Variants in RAB36 observed in about 807,000 individuals in gnomAD.
RAB36 encodes ras-related protein Rab-36.
In RAB36, 33 loss-of-function variants were observed where a neutral mutation model predicts 39.3. That is an observed-to-expected ratio of 0.84 (90% CI 0.64 to 1.12). The LOEUF is 1.12. Ranked by LOEUF, RAB36 falls within the 50% of genes most tolerant of loss-of-function variation. The pLI, the probability that RAB36 is intolerant of heterozygous loss-of-function variation, is 0.00. For missense variants in RAB36, 308 were observed against 355.3 expected (o/e 0.87, Z 1.07); for synonymous variants, 133 against 140.2 (o/e 0.95, Z 0.36).
chr22:23,151,270 A>G (rs543338158), intron 3 of RAB36, among the ~76,000 whole-genome samples: 2 of 152,324 alleles, frequency 1.3e-5, no homozygotes, highest in South Asian at 2.1e-4. Context: ...CACACAGATG[A>G]TCTCCCTGAT....
intron 6 of RAB36, among the ~76,000 whole-genome samples, chr22:23,156,520 C>T (rs984145906): frequency 6.6e-6 from 1 of 152,154 alleles, no homozygotes; most frequent in Non-Finnish European, 1.5e-5. Flanking sequence ...CTGGGCAGGG[C>T]TCACCGTCAG....
chr22:23,145,723 C>T (rs2070729505), intron 1 of RAB36, among the ~76,000 whole-genome samples, 172 bp downstream of exon 1: 1 of 152,252 alleles, frequency 6.6e-6, no homozygotes, highest in African/African-American at 2.4e-5. Context: ...AAACTCTGGG[C>T]CAGGCCCGCG....
Position 23,160,886 on chromosome 22 carries a change from C to T in RAB36, c.627C>T (p.Asn209=), listed in dbSNP as rs150673019. The change falls in exon 10 of 11, where the codon AAC becomes AAT. Residue 209 remains asparagine, a synonymous_variant. Coordinates refer to ENST00000263116, the MANE Select transcript of RAB36 (RefSeq NM_004914.5). ...TGTCTTGTGGGCCCACAGGCGAGAA[C>T]GTGAAGGCATTCTTCAGCCGCGTAG... ...YWSVSAKTGE[N]VKAFFSRVAA... 60 of 1,613,338 alleles carry T rather than the reference C, an allele frequency of 3.7e-5. No homozygotes were observed. The highest frequency in any genetic ancestry group is 8.0e-5 in the African/African-American group (6 of 74,934).
At chr22:23,150,300 TTTTC>T in intron 3 of RAB36, 146 bp downstream of exon 3, 1 of 640,172 alleles carries the variant, frequency 1.6e-6, no homozygotes. Context: ...TTTCTTTTTT[TTTTC>T]TTTTTTTTTT....
At chr22:23,151,046 C>G (rs2071090130) in intron 3 of RAB36, among the ~76,000 whole-genome samples, 1 of 152,236 alleles carries the variant, frequency 6.6e-6, no homozygotes, top group Non-Finnish European at 1.5e-5. Context: ...GCTTTTGCCC[C>G]TCTTCCTAAG....
chr22:23,148,584 T>C (rs1301747512), intron 2 of RAB36, among the ~76,000 whole-genome samples: 5 of 152,144 alleles, frequency 3.3e-5, no homozygotes, highest in Non-Finnish European at 7.3e-5. Context: ...CCCATAATAG[T>C]CAGGGATCAA....
At chr22:23,151,560 G>A (rs2071124900) in intron 3 of RAB36, among the ~76,000 whole-genome samples, 1 of 152,090 alleles carries the variant, frequency 6.6e-6, no homozygotes, top group Non-Finnish European at 1.5e-5. Context: ...GGCTCCTTGG[G>A]GATGAGCTGC....
At chr22:23,155,892 C>G (rs772891220) in intron 5 of RAB36, 76 bp from the exon 6 acceptor site, 24 of 1,380,006 alleles carry the variant, frequency 1.7e-5, no homozygotes, top group Non-Finnish European at 2.3e-5. Flanking sequence ...ACCCATGGTC[C>G]CGTAGCCTGT....
At chr22:23,167,978 T>C (rs2072078599), downstream of RAB36, among the ~76,000 whole-genome samples, 1 of 152,148 alleles carries the variant, frequency 6.6e-6, no homozygotes, top group African/African-American at 2.4e-5. Context: ...TCCCAAGTTG[T>C]TGGGACTACA....
At chr22:23,147,180 C>T (rs1280370937) in intron 2 of RAB36, among the ~76,000 whole-genome samples, 2 of 152,176 alleles carry the variant, frequency 1.3e-5, no homozygotes, top group South Asian at 4.1e-4. Flanking sequence ...CCTCTATGAG[C>T]TTGAAAACTC....
intron 6 of RAB36, 128 bp from the exon 7 acceptor site, chr22:23,157,864 G>A (rs113561099): frequency 1.9e-6 from 3 of 1,558,686 alleles, no homozygotes; most frequent in African/African-American, 2.7e-5. Context: ...ATTGTAGGAG[G>A]TTCCGGTGCT....
At chr22:23,153,658 C>A in intron 5 of RAB36, 1 of 981,724 alleles carries the variant, frequency 1.0e-6, no homozygotes, top group Non-Finnish European at 1.2e-6. Flanking sequence ...GCCTTCACTC[C>A]CTCTCCCCAG....
downstream of RAB36, among the ~76,000 whole-genome samples, chr22:23,169,166 G>A (rs879903991): frequency 3.3e-5 from 5 of 152,228 alleles, no homozygotes; most frequent in Non-Finnish European, 5.9e-5. Flanking sequence ...CCAGTCACTC[G>A]GAACCTGGGA....
rs372025471 is a variant in RAB36 at position 23,153,051 on chromosome 22, T to C, written c.246T>C (p.Phe82=). The C allele has an allele frequency of 6.2e-7, 1 of 1,614,054 alleles. No individual in the cohort carries two copies. Among genetic ancestry groups the C allele is most frequent in the Non-Finnish European group, 8.5e-7 (1 of 1,179,946 alleles). ...CCCACAGGTTTTGCAAGAATGTTTT[T>C]GATCGAGACTACAAGGCCACCATTG... ...SLIHRFCKNV[F]DRDYKATIGV... The change falls in exon 5 of 11, where the codon TTT becomes TTC. Residue 82 remains phenylalanine, a synonymous_variant. Transcript: ENST00000263116.
Position 23,145,534 on chromosome 22 carries a change from C to T in RAB36, c.-30C>T, listed in dbSNP as rs1486875074. On this transcript the variant is annotated 5_prime_UTR_variant, in exon 1 of 11. Coordinates refer to ENST00000263116, the MANE Select transcript of RAB36 (RefSeq NM_004914.5). ...CGGACCAGGCCGCGCGGAGCCCCAG[C>T]TTTCACAGCCATCGCTGGTGAGTCA... is the stretch of plus-strand genomic sequence containing the variant. 1.2e-6 allele frequency: 2 copies of T among 1,602,344 alleles called. No homozygotes were observed. The highest frequency in any genetic ancestry group is 1.7e-6 in the Non-Finnish European group (2 of 1,179,324).
intron 2 of RAB36, among the ~76,000 whole-genome samples, chr22:23,149,685 G>A (rs561863210): frequency 6.6e-6 from 1 of 152,288 alleles, no homozygotes; most frequent in South Asian, 2.1e-4. Flanking sequence ...CCACAGGCAT[G>A]TACTACTGCA....
At chr22:23,150,030 GGAT>G in intron 2 of RAB36, 30 bp from the exon 3 acceptor site, 1 of 1,534,476 alleles carries the variant, frequency 6.5e-7, no homozygotes, top group Non-Finnish European at 8.9e-7. Flanking sequence ...CAGCTTTGCA[GGAT>G]GATGTGTCCG....
At chr22:23,147,420 CCTGGG>C (rs1280406550) in intron 2 of RAB36, among the ~76,000 whole-genome samples, 1 of 151,948 alleles carries the variant, frequency 6.6e-6, no homozygotes, top group African/African-American at 2.4e-5. Context: ...TCCTCTAACT[CCTGGG>C]CTGAAGCAAT....
Position 23,162,374 on chromosome 22 carries a change from C to G in RAB36, c.*810C>G, listed in dbSNP as rs2071858324. 3.0e-6 allele frequency: 1 copy of G among 338,714 alleles called. No individual in the cohort carries two copies. The highest frequency in any genetic ancestry group is 5.9e-6 in the Non-Finnish European group (1 of 170,220). 21.0% of individuals were successfully genotyped at this position (338,714 alleles called of 1,614,324 possible). A position where few individuals can be genotyped will look rare whatever the true frequency, so the allele number is the denominator to read the frequency against. On this transcript the variant is annotated 3_prime_UTR_variant, in exon 11 of 11. Coordinates refer to ENST00000263116, the MANE Select transcript of RAB36 (RefSeq NM_004914.5). ...TGCACAGCTGTCCTAGGGTAACTCA[C>G]TCTGCAGCCCTTGAACATGGCACTG...
Sources: gnomAD v4.1 joint callset for allele counts (sites outside exome capture counted in the v4.1 genomes callset) on GRCh38, gnomAD v4.1.1 for gene constraint, MANE v1.5 for transcripts, NCBI Gene and HGNC (gene_info 2026-07-23, HGNC 2026-07-21) for gene names.